NCOA6: variants seen among roughly 807,000 people sequenced by gnomAD.
NCOA6 encodes nuclear receptor coactivator 6.
A neutral mutation model predicts 171.4 loss-of-function variants in NCOA6; 49 were observed. The observed-to-expected ratio is 0.29, with a 90% confidence interval of 0.23 to 0.36. The LOEUF (loss-of-function observed/expected upper bound fraction) is 0.36. Among genes scored for constraint, NCOA6 ranks in the 10% least tolerant of loss-of-function variants. The pLI is 1.00. For missense variants in NCOA6, 2,248 were observed against 2,554.5 expected, an observed-to-expected ratio of 0.88 and a Z score of 2.59; for synonymous variants, 910 against 927.5, an observed-to-expected ratio of 0.98 and a Z score of 0.34.
At chr20:34,818,379 C>T (rs1198692512) in intron 1 of NCOA6, among the ~76,000 whole-genome samples, 3 of 151,932 alleles carry the variant, frequency 2.0e-5, no homozygotes, top group African/African-American at 4.8e-5. Flanking sequence ...CAAAACAAAA[C>T]AAAAAAACCC....
chr20:34,814,625 C>CT (rs1182755054), intron 1 of NCOA6, among the ~76,000 whole-genome samples: 1 of 152,128 alleles, frequency 6.6e-6, no homozygotes, highest in Admixed American at 6.6e-5. Flanking sequence ...GAGTCTCACT[C>CT]TTGTCACCCA....
intron 8 of NCOA6, among the ~76,000 whole-genome samples, chr20:34,750,927 T>C (rs1192208293): frequency 6.6e-6 from 1 of 152,040 alleles, no homozygotes; most frequent in African/African-American, 2.4e-5. Flanking sequence ...GGCAGGCGGA[T>C]TGCTTGAGCC....
At chr20:34,796,201 G>C (rs908280245) in intron 1 of NCOA6, among the ~76,000 whole-genome samples, 5 of 151,072 alleles carry the variant, frequency 3.3e-5, no homozygotes, top group African/African-American at 1.2e-4. Flanking sequence ...GTAGAGATAG[G>C]GTCTCCCTAT....
chr20:34,754,943 A>C, intron 7 of NCOA6, 75 bp from the exon 8 acceptor site: 1 of 1,491,980 alleles, frequency 6.7e-7, no homozygotes, highest in African/African-American at 1.4e-5. Context: ...TGAATAAGGA[A>C]GGATGAGCTG....
rs1198055710 is a variant in NCOA6, at chr20:34,757,802, G to C, written c.946C>G (p.Pro316Ala). 1.4e-5 allele frequency: 22 copies of C among 1,614,184 alleles called. No homozygotes were observed. The highest frequency in any genetic ancestry group is 1.8e-5 in the Non-Finnish European group (21 of 1,180,036). Residue 316 changes from proline to alanine, a missense_variant, in exon 7 of 15, where the codon CCA (proline) becomes GCA (alanine). Pro to Ala is a conservative substitution (Grantham distance 27). This residue lies in a region of NCOA6 where 987 missense variants were observed against 1,104.7 expected (regional missense o/e 0.89). Coordinates refer to ENST00000359003, the MANE Select transcript of NCOA6 (RefSeq NM_014071.5). Reference protein sequence around the residue: ...FTAPTQVPVPPGWNQLPSGAL... With the variant: ...FTAPTQVPVPAGWNQLPSGAL... ...CCAGAAGGCAGCTGGTTCCAGCCTGGAGGAACAGGCACCTGAGTTGGGGCA... is the reference window on the plus strand; with the variant it reads ...CCAGAAGGCAGCTGGTTCCAGCCTGCAGGAACAGGCACCTGAGTTGGGGCA...
chr20:34,774,899 T>C (rs1026192553), intron 4 of NCOA6, among the ~76,000 whole-genome samples: 4 of 152,226 alleles, frequency 2.6e-5, no homozygotes, highest in Non-Finnish European at 5.9e-5. Flanking sequence ...AATTGCTCTA[T>C]GAAAGTGTGA....
At chr20:34,801,277 C>T (rs1328562154) in intron 1 of NCOA6, among the ~76,000 whole-genome samples, 1 of 151,860 alleles carries the variant, frequency 6.6e-6, no homozygotes, top group African/African-American at 2.4e-5. Context: ...AAATAAACAA[C>T]CTAACAATGT....
At chr20:34,773,052 C>G (rs1416417905) in intron 4 of NCOA6, among the ~76,000 whole-genome samples, 1 of 152,150 alleles carries the variant, frequency 6.6e-6, no homozygotes, top group Non-Finnish European at 1.5e-5. Flanking sequence ...GGTCCACAAA[C>G]TACGTCCTGT....
At chr20:34,751,008 G>A (rs117391907) in intron 8 of NCOA6, among the ~76,000 whole-genome samples, 8,127 of 151,694 alleles carry the variant, frequency 0.054, 256 homozygotes, top group East Asian at 0.08. Context: ...GTGAAACCCC[G>A]TCTCAAAAAA....
chr20:34,741,242 C>T lies in NCOA6; in HGVS notation c.5014G>A (p.Gly1672Arg). 1 of 1,614,188 alleles carries T rather than the reference C, an allele frequency of 6.2e-7. No homozygotes were observed. Among genetic ancestry groups the T allele is most frequent in the Non-Finnish European group, 8.5e-7 (1 of 1,180,036 alleles). ...GCAGGAATTGTGCTTGGCTGTGATC[C>T]TTTCATAACCTGAATTATTGAGGAT... is the stretch of plus-strand genomic sequence containing the variant. The part of the protein sequence containing the change: ...NSSSIIQVMK[G>R]SQPSTIPAAP... Residue 1672 changes from glycine to arginine, a missense_variant, in exon 11 of 15, where the codon GGA becomes AGA. This residue lies in a region of NCOA6 where 884 missense variants were observed against 941.9 expected (regional missense o/e 0.94). Coordinates refer to ENST00000359003, the MANE Select transcript of NCOA6 (RefSeq NM_014071.5).
intron 14 of NCOA6, among the ~76,000 whole-genome samples, chr20:34,722,843 C>A (rs1277059799): frequency 1.3e-5 from 2 of 151,692 alleles, no homozygotes; most frequent in Non-Finnish European, 2.9e-5. Flanking sequence ...ACACACACAC[C>A]CACACACACA....
At chr20:34,767,915 T>C (rs1428157209) in intron 5 of NCOA6, among the ~76,000 whole-genome samples, 2 of 152,216 alleles carry the variant, frequency 1.3e-5, no homozygotes, top group African/African-American at 2.4e-5. Flanking sequence ...AACTCAATTC[T>C]AATATTCTGA....
intron 3 of NCOA6, among the ~76,000 whole-genome samples, chr20:34,779,790 T>C (rs906172382): frequency 3.3e-5 from 5 of 152,150 alleles, no homozygotes; most frequent in Non-Finnish European, 7.3e-5. Flanking sequence ...CCATTGTACA[T>C]TGAATGTTAA....
intron 1 of NCOA6, among the ~76,000 whole-genome samples, chr20:34,816,008 A>C (rs537568733): frequency 1.3e-5 from 2 of 152,312 alleles, no homozygotes; most frequent in Non-Finnish European, 2.9e-5. Context: ...CAAATGTCTT[A>C]GACCTGGCAT....
chr20:34,810,666 C>T (rs2078626045), intron 1 of NCOA6, among the ~76,000 whole-genome samples: 1 of 152,120 alleles, frequency 6.6e-6, no homozygotes, highest in Non-Finnish European at 1.5e-5. Context: ...CGCCATTCTC[C>T]TGCCTCAGCC....
chr20:34,777,910 T>C (rs907238332), intron 3 of NCOA6, among the ~76,000 whole-genome samples: 6 of 152,002 alleles, frequency 3.9e-5, no homozygotes, highest in Non-Finnish European at 7.4e-5. Flanking sequence ...CAATGGAATA[T>C]TATTATATTA....
At chr20:34,814,133 A>C (rs1466494411) in intron 1 of NCOA6, among the ~76,000 whole-genome samples, 1 of 152,176 alleles carries the variant, frequency 6.6e-6, no homozygotes, top group Admixed American at 6.5e-5. Context: ...GTTCGAGACC[A>C]GCCTGGTCAA....
rs192419573 is a variant in NCOA6, at chr20:34,808,978, C to A, written c.-163-16415G>T. 1.8e-4 allele frequency among the ~76,000 whole-genome samples: 28 copies of A among 152,284 alleles called. No homozygotes were observed. In the East Asian group the frequency reaches 5.2e-3, roughly 28 times the overall value. ...CAGAGAGAGAGGCAGCTGAATGAAA[C>A]TAACTATATACACCTGCCCTTCTCT... is the stretch of plus-strand genomic sequence containing the variant. On this transcript the variant is annotated intron_variant, in intron 1 of 14. Coordinates refer to ENST00000359003, the MANE Select transcript of NCOA6 (RefSeq NM_014071.5).
chr20:34,758,159 GAGAA>G, intron 6 of NCOA6, 55 bp from the exon 7 acceptor site: 1 of 1,542,782 alleles, frequency 6.5e-7, no homozygotes, highest in South Asian at 1.3e-5. Flanking sequence ...CTAGATCTTA[GAGAA>G]GTGGCCTTTG....
Sources: gnomAD v4.1 joint callset for allele counts (sites outside exome capture counted in the v4.1 genomes callset) on GRCh38, gnomAD v4.1.1 for gene constraint, gnomAD v4.1.1 regional missense constraint, MANE v1.5 for transcripts, NCBI Gene and HGNC (gene_info 2026-07-23, HGNC 2026-07-21) for gene names.